ERICH6: variants seen among roughly 807,000 people sequenced by gnomAD.
The protein encoded by ERICH6 is glutamate rich 6, also known as glutamate-rich protein 6.
Under a neutral mutation model 71.0 loss-of-function variants are expected in ERICH6, and 71 were observed. That is an observed-to-expected ratio of 1.00 (90% confidence interval 0.83 to 1.22). The LOEUF (loss-of-function observed/expected upper bound fraction) is 1.22. ERICH6 is among the 50% of genes most tolerant of loss of function. The pLI is 0.00. For missense variants in ERICH6, 808 were observed against 797.2 expected (o/e 1.01, Z -0.16); for synonymous variants, 262 against 278.4 (o/e 0.94, Z 0.59).
chr3:150,688,650 T>C (rs1712294799), intron 3 of ERICH6, among the ~76,000 whole-genome samples: 1 of 152,184 alleles, frequency 6.6e-6, no homozygotes, highest in Non-Finnish European at 1.5e-5. Context: ...CTCACTGAGA[T>C]TAATGCATAT....
At position 150,680,466 on chromosome 3, in the gene ERICH6, A is replaced by AC. The variant is rs1334979662; in HGVS notation, c.1111+1dup. 4 of 1,613,982 alleles carry AC rather than the reference A, an allele frequency of 2.5e-6. No individual in the cohort carries two copies. In the East Asian group the frequency reaches 8.9e-5, roughly 36 times the overall value. ...CTATAAGATCAGCACTAATGAACTC[A>AC]CCATCTTCAGAGAAATGAGTCTGTT... On this transcript the variant is annotated splice_donor_variant, in intron 9 of 13. Coordinates refer to ENST00000295910, the MANE Select transcript of ERICH6 (RefSeq NM_152394.5). LOFTEE classifies it high-confidence loss of function.
rs1727454409 is a variant in ERICH6, at chr3:150,667,156, A to C, written c.1500-141T>G. 3 of 718,416 alleles carry C rather than the reference A, an allele frequency of 4.2e-6. No individual in the cohort carries two copies. In the South Asian group the frequency reaches 5.4e-5, roughly 13 times the overall value. The allele number at this position is 718,416 out of a possible 1,614,324, so 44.5% of individuals were successfully genotyped here. A position where few individuals can be genotyped will look rare whatever the true frequency, so the allele number is the denominator to read the frequency against. The stretch of plus-strand genomic sequence containing the variant: ...AGTGGTGGAAACTTCAGGTAATCTT[A>C]GGAGTGATAATACTATGACTAAATT... On this transcript the variant is annotated intron_variant, in intron 12 of 13. Coordinates refer to ENST00000295910, the MANE Select transcript of ERICH6 (RefSeq NM_152394.5).
intron 6 of ERICH6, among the ~76,000 whole-genome samples, chr3:150,684,958 C>T (rs189377974): frequency 1.3e-5 from 2 of 151,956 alleles, no homozygotes; most frequent in East Asian, 1.9e-4. Context: ...GAACCATAAT[C>T]GTGCCACTTA....
At chr3:150,680,031 T>C (rs996252173) in intron 9 of ERICH6, among the ~76,000 whole-genome samples, 2 of 152,202 alleles carry the variant, frequency 1.3e-5, no homozygotes, top group Non-Finnish European at 2.9e-5. Flanking sequence ...TAATAAAATA[T>C]GAGACAATGA....
chr3:150,695,244 C>A (rs1712609902), intron 3 of ERICH6, among the ~76,000 whole-genome samples: 1 of 152,180 alleles, frequency 6.6e-6, no homozygotes, highest in Admixed American at 6.5e-5. Context: ...CCTCAACTGA[C>A]AAACTACTAT....
At chr3:150,703,410 G>T in intron 1 of ERICH6, 86 bp downstream of exon 1, 1 of 1,454,370 alleles carries the variant, frequency 6.9e-7, no homozygotes, top group South Asian at 1.4e-5. Context: ...CGCGCAGGTC[G>T]ACGAAGGCAC....
intron 3 of ERICH6, among the ~76,000 whole-genome samples, chr3:150,696,206 TG>T (rs1712651861): frequency 6.6e-6 from 1 of 151,328 alleles, no homozygotes; most frequent in Admixed American, 6.6e-5. Flanking sequence ...CAAAGCAGAG[TG>T]GAAAGGTTGG....
At chr3:150,672,795 T>C (rs1456206442) in intron 11 of ERICH6, among the ~76,000 whole-genome samples, 1 of 151,354 alleles carries the variant, frequency 6.6e-6, no homozygotes, top group Non-Finnish European at 1.5e-5. Context: ...GAGACTGGGG[T>C]GGGAGGATCG....
intron 11 of ERICH6, among the ~76,000 whole-genome samples, chr3:150,672,484 G>A (rs1240840170): frequency 5.9e-5 from 9 of 151,410 alleles, no homozygotes; most frequent in African/African-American, 1.7e-4. Flanking sequence ...TGTAATCCCA[G>A]CTACTCGGGA....
chr3:150,669,212 C>G (rs1227963400), intron 12 of ERICH6, 84 bp downstream of exon 12: 1 of 1,381,654 alleles, frequency 7.2e-7, no homozygotes, highest in African/African-American at 1.5e-5. Context: ...CTTCTGAAAC[C>G]CATTCTTATC....
chr3:150,674,030 A>G lies in ERICH6; in HGVS notation c.1269T>C (p.Asn423=). The stretch of plus-strand genomic sequence containing the variant: ...GTTTGTAGTGCTTCTCTAAGAGCTC[A>G]TTCCTGACAACCTATACACCACAGA... ...SRIACGKVVR[N]ELLEKHYKHG... The change falls in exon 11 of 14, where the codon AAT becomes AAC. Residue 423 remains asparagine (N), a synonymous_variant. Coordinates refer to ENST00000295910, the MANE Select transcript of ERICH6 (RefSeq NM_152394.5). 1 of 1,613,998 alleles carries G rather than the reference A, an allele frequency of 6.2e-7. No individual in the cohort carries two copies. Among genetic ancestry groups the G allele is most frequent in the Non-Finnish European group, 8.5e-7 (1 of 1,179,932 alleles).
At chr3:150,680,206 A>G (rs1440152385) in intron 9 of ERICH6, among the ~76,000 whole-genome samples, 1 of 152,224 alleles carries the variant, frequency 6.6e-6, no homozygotes, top group Non-Finnish European at 1.5e-5. Flanking sequence ...TACTGAACTT[A>G]GAAATAAAAA....
rs111226438 is a variant in ERICH6, at chr3:150,669,531, C to G, written c.1344-80G>C. ...AACAAATTCAATTTATGAGAGAGCA[C>G]TCTGAAATCATAAAGCATTCTGAAA... On this transcript the variant is annotated intron_variant, in intron 11 of 13. Transcript: ENST00000295910. The G allele has an allele frequency of 8.9e-6, 13 of 1,455,146 alleles. No individual in the cohort carries two copies. In the East Asian group the frequency reaches 3.0e-4, roughly 34 times the overall value. 90.1% of individuals were successfully genotyped at this position (1,455,146 alleles called of 1,614,324 possible).
intron 13 of ERICH6, 96 bp downstream of exon 13, chr3:150,666,691 G>A (rs986932586): frequency 7.9e-6 from 8 of 1,009,310 alleles, no homozygotes; most frequent in Non-Finnish European, 4.3e-6. Flanking sequence ...AGTAGATTAT[G>A]CACTAGTGTA....
rs750072815 is a variant in ERICH6, at chr3:150,659,902, T to C, written c.1982A>G (p.Glu661Gly). The change falls in exon 14 of 14, where the codon GAA becomes GGA. Residue 661 changes from glutamate to glycine, a missense_variant. This residue lies in a region of ERICH6 where 736 missense variants were observed against 712.2 expected (regional missense o/e 1.03). Transcript: ENST00000295910. ...IMKTIRNIINEEI is the reference protein window; with the variant it reads ...IMKTIRNIINGEI Reference sequence around the variant, plus strand: ...CACCATCATTCTTAGTTAAATTTCTTCATTTATTATATTTCTTATTGTCTT... The same window carrying C: ...CACCATCATTCTTAGTTAAATTTCTCCATTTATTATATTTCTTATTGTCTT... 1.4e-5 allele frequency: 23 copies of C among 1,595,938 alleles called. No homozygotes were observed. Among genetic ancestry groups the C allele is most frequent in the Non-Finnish European group, 1.9e-5 (22 of 1,171,772 alleles).
At chr3:150,682,964 T>C (rs556107203) in intron 6 of ERICH6, among the ~76,000 whole-genome samples, 32 of 152,266 alleles carry the variant, frequency 2.1e-4, no homozygotes, top group African/African-American at 7.5e-4. Context: ...GGAGTGGCCA[T>C]GTCAATGACC....
In ERICH6 at chr3:150,680,863, G is replaced by T. The variant is rs1332859425; in HGVS notation, c.950C>A (p.Pro317His). ...YIYEEQIKTK[P>H]PKAELIAIDP... ...AATAGCAATTAATTCAGCTTTAGGG[G>T]GTTTGGTTTTTATTTGCTCCTCATA... Residue 317 changes from proline (P) to histidine (H), a missense_variant, in exon 8 of 14, where the codon CCC (proline) becomes CAC (histidine). Coordinates refer to ENST00000295910, the MANE Select transcript of ERICH6 (RefSeq NM_152394.5). The T allele has an allele frequency of 6.2e-7, 1 of 1,613,832 alleles. No individual in the cohort carries two copies. The highest frequency in any genetic ancestry group is 2.2e-5 in the East Asian group (1 of 44,862).
intron 3 of ERICH6, among the ~76,000 whole-genome samples, chr3:150,692,035 T>C (rs756266898): frequency 5.9e-5 from 9 of 152,180 alleles, no homozygotes; most frequent in Admixed American, 2.0e-4. Flanking sequence ...AAAGTTCAGT[T>C]TCTCTTTAAT....
chr3:150,699,700 C>A (rs1712786029), intron 2 of ERICH6, among the ~76,000 whole-genome samples: 1 of 143,206 alleles, frequency 7.0e-6, no homozygotes. Context: ...TATATTAGAA[C>A]AAAGCCCTCA....
Sources: gnomAD v4.1 joint callset for allele counts (sites outside exome capture counted in the v4.1 genomes callset) on GRCh38, gnomAD v4.1.1 for gene constraint, gnomAD v4.1.1 regional missense constraint, MANE v1.5 for transcripts, NCBI Gene and HGNC (gene_info 2026-07-23, HGNC 2026-07-21) for gene names.